DNAH12: variants seen among roughly 807,000 people sequenced by gnomAD.
The protein encoded by DNAH12 is axonemal beta dynein heavy chain 12.
DNAH12 carries 285 observed loss-of-function variants against 371.5 expected under a neutral mutation model. That is an observed-to-expected ratio of 0.77 (90% CI 0.70 to 0.85). The LOEUF is 0.85. Among genes scored for constraint, DNAH12 ranks in the 40% least tolerant of loss-of-function variants. The pLI, the probability that DNAH12 is intolerant of heterozygous loss-of-function variation, is 0.00. For synonymous variants in DNAH12, 1,200 were observed against 1,213.0 expected (o/e 0.99, Z 0.22); for missense variants, 3,611 against 3,689.4 (o/e 0.98, Z 0.55).
chr3:57,400,721 TA>T (rs2063839199), intron 43 of DNAH12, among the ~76,000 whole-genome samples: 1 of 152,156 alleles, frequency 6.6e-6, no homozygotes, highest in Non-Finnish European at 1.5e-5. Flanking sequence ...TGTGGGTAAC[TA>T]AAACTGCAAT....
rs782183779 is a variant in DNAH12 at position 57,413,770 on chromosome 3, C to G, written c.5996G>C (p.Arg1999Pro). Reference sequence around the variant, plus strand: ...CCAATGTCCACAGTCAAAAAACTGTCGTAATAATTCAATAGGTGGTTGAGC... The same window carrying G: ...CCAATGTCCACAGTCAAAAAACTGTGGTAATAATTCAATAGGTGGTTGAGC... ...YGAQPPIELL[R>P]QFFDCGHWYD... is the part of the protein sequence containing the mutation. The change falls in exon 39 of 74, where the codon CGA (arginine) becomes CCA (proline). Residue 1999 changes from arginine (R) to proline (P), a missense_variant. Physicochemically the swap from Arg to Pro is moderately radical, Grantham distance 103. Coordinates refer to ENST00000495027, the MANE Select transcript of DNAH12 (RefSeq NM_001366028.2). 2 of 1,550,744 alleles carry G rather than the reference C, an allele frequency of 1.3e-6. No individual in the cohort carries two copies. Among genetic ancestry groups the G allele is most frequent in the Non-Finnish European group, 1.7e-6 (2 of 1,146,588 alleles).
At chr3:57,461,114 G>A (rs1252928403) in intron 19 of DNAH12, among the ~76,000 whole-genome samples, 1 of 152,006 alleles carries the variant, frequency 6.6e-6, no homozygotes, top group East Asian at 1.9e-4. Context: ...CCTTATGCTA[G>A]CTGTTTACAA....
Position 57,323,014 on chromosome 3 carries a change from G to A in DNAH12, c.10376C>T (p.Ser3459Phe). 9 of 1,551,928 alleles carry A rather than the reference G, an allele frequency of 5.8e-6. No homozygotes were observed. The highest frequency in any genetic ancestry group is 7.8e-6 in the Non-Finnish European group (9 of 1,147,032). The change falls in exon 64 of 74, where the codon TCT (serine) becomes TTT (phenylalanine). Residue 3459 changes from serine to phenylalanine, a missense_variant. By Grantham distance (155) the Ser-to-Phe change is radical (BLOSUM62 -2). Coordinates refer to ENST00000495027, the MANE Select transcript of DNAH12 (RefSeq NM_001366028.2). ...ATAAGGAAATAAACATACTTTTGAA[G>A]ATGGATAGCTTGTCAGCCAAAGCCT... ...SFRLWLTSYP[S>F]SKFPVTILQN...
chr3:57,547,421 G>T (rs1195453039), upstream of DNAH12, among the ~76,000 whole-genome samples: 1 of 151,806 alleles, frequency 6.6e-6, no homozygotes, highest in Non-Finnish European at 1.5e-5. Context: ...GCCTCTAGAT[G>T]TGCTAGGATT....
At chr3:57,499,671 T>TACACAC (rs1225401945) in intron 11 of DNAH12, among the ~76,000 whole-genome samples, 4 of 30,422 alleles carry the variant, frequency 1.3e-4, no homozygotes, top group South Asian at 1.9e-3. Flanking sequence ...TATATATATA[T>TACACAC]ATATACTTCT....
intron 60 of DNAH12, 113 bp from the exon 61 acceptor site, chr3:57,335,053 C>T: frequency 9.2e-7 from 1 of 1,092,308 alleles, no homozygotes; most frequent in Non-Finnish European, 1.3e-6. Context: ...TACCCACCTG[C>T]TGTAAACAAC....
chr3:57,381,666 G>A (rs2063394289), intron 50 of DNAH12, among the ~76,000 whole-genome samples: 1 of 152,002 alleles, frequency 6.6e-6, no homozygotes, highest in Non-Finnish European at 1.5e-5. Flanking sequence ...GTGGGGTCCG[G>A]ATTTCTGAAT....
At position 57,391,853 on chromosome 3, in the gene DNAH12, A is replaced by G. The variant is rs1327324041; in HGVS notation, c.7305+19T>C. The G allele has an allele frequency of 1.3e-5, 2 of 152,640 alleles. No individual in the cohort carries two copies. Among genetic ancestry groups the G allele is most frequent in the African/African-American group, 4.8e-5 (2 of 41,462 alleles). 9.5% of individuals were successfully genotyped at this position (152,640 alleles called of 1,614,324 possible). ...AAAGAGTTAGTTGCCTCCCCCTCCA[A>G]CCAAGAAAAATTACAAACCTGAAAC... is the stretch of plus-strand genomic sequence containing the variant. On this transcript the variant is annotated intron_variant, in intron 45 of 73. Transcript: ENST00000495027.
chr3:57,468,877 C>T lies in DNAH12; in HGVS notation c.2208G>A (p.Thr736=), dbSNP rs1343189908. The T allele has an allele frequency of 5.9e-6, 9 of 1,525,802 alleles. No homozygotes were observed. Among genetic ancestry groups the T allele is most frequent in the South Asian group, 3.8e-5 (3 of 79,038 alleles). 94.5% of individuals were successfully genotyped at this position (1,525,802 alleles called of 1,614,324 possible). ...TTTCTTGTAATTCTTTCTTTAGCTT[C>T]GTTTGGAAAAATTTTAGTGTCTTAA... ...EIFKTLKFFQ[T]KLKKELQEKR... Residue 736 remains threonine (T), a synonymous_variant, in exon 17 of 74, where the codon ACG becomes ACA. Transcript: ENST00000495027.
chr3:57,418,268 T>C (rs764207348), intron 37 of DNAH12, among the ~76,000 whole-genome samples: 15 of 150,244 alleles, frequency 1.0e-4, no homozygotes, highest in South Asian at 8.4e-4. Context: ...AAGAACTGTA[T>C]TGCCAGGCAC....
rs774702268 is a variant in DNAH12, at chr3:57,419,448, ATTTG to A, written c.5629_5632del (p.Gln1877SerfsTer7). The stretch of plus-strand genomic sequence containing the variant: ...AGGGACTATGATATCTTGAATCTTG[ATTTG>A]TTTATCTCCTAAATTAGTATTTTTA... On this transcript the variant is annotated frameshift_variant, in exon 37 of 74. Transcript: ENST00000495027. LOFTEE classifies it high-confidence loss of function. 168 of 1,506,424 alleles carry A rather than the reference ATTTG, an allele frequency of 1.1e-4. No homozygotes were observed. Among genetic ancestry groups the A allele is most frequent in the South Asian group, 2.7e-4 (20 of 73,938 alleles). 93.3% of individuals were successfully genotyped at this position (1,506,424 alleles called of 1,614,324 possible).
intron 30 of DNAH12, among the ~76,000 whole-genome samples, chr3:57,434,975 A>G (rs1339495114): frequency 2.6e-5 from 4 of 152,190 alleles, no homozygotes; most frequent in African/African-American, 9.7e-5. Flanking sequence ...GCAACTGGTA[A>G]AAGATAAAAT....
At chr3:57,369,036 G>A (rs1375509791) in intron 55 of DNAH12, among the ~76,000 whole-genome samples, 4 of 151,436 alleles carry the variant, frequency 2.6e-5, no homozygotes, top group South Asian at 2.1e-4. Context: ...GTGAAAGCCC[G>A]TCTCTACTAA....
intron 34 of DNAH12, among the ~76,000 whole-genome samples, chr3:57,426,790 C>G (rs2064782908): frequency 6.8e-6 from 1 of 147,294 alleles, no homozygotes; most frequent in Admixed American, 6.9e-5. Flanking sequence ...TGGAGTGCCA[C>G]TGCACTCCAG....
chr3:57,417,094 T>C (rs992840516), intron 37 of DNAH12, among the ~76,000 whole-genome samples: 8 of 151,912 alleles, frequency 5.3e-5, no homozygotes, highest in African/African-American at 1.9e-4. Context: ...CTATTAAAAA[T>C]ACAAAATTAA....
intron 2 of DNAH12, among the ~76,000 whole-genome samples, chr3:57,533,236 G>T (rs188813041): frequency 5.3e-5 from 8 of 152,090 alleles, no homozygotes; most frequent in Admixed American, 1.3e-4. Flanking sequence ...AGGGCATTGG[G>T]CTCCCCTCTG....
intron 29 of DNAH12, 51 bp downstream of exon 29, chr3:57,444,646 C>A: frequency 6.5e-7 from 1 of 1,537,928 alleles, no homozygotes; most frequent in South Asian, 1.2e-5. Flanking sequence ...ACAATTGAGT[C>A]ATCGGATGAA....
intron 33 of DNAH12, 44 bp downstream of exon 33, chr3:57,429,643 AGAAT>A: frequency 6.8e-7 from 1 of 1,475,988 alleles, no homozygotes; most frequent in Non-Finnish European, 9.1e-7. Context: ...GCTAAATTAA[AGAAT>A]GAAGAAATGA....
Position 57,361,471 on chromosome 3 carries a change from T to TATATATA in DNAH12, c.9360+2122_9360+2123insTATATAT, listed in dbSNP as rs2062934544. Among the ~76,000 whole-genome samples, 12 of 141,826 alleles carry TATATATA rather than the reference T, an allele frequency of 8.5e-5. 1 individual carries two copies. Among genetic ancestry groups the TATATATA allele is most frequent in the African/African-American group, 3.4e-4 (12 of 35,386 alleles). 93.0% of individuals were successfully genotyped at this position (141,826 alleles called of 152,430 possible). A position where few individuals can be genotyped will look rare whatever the true frequency, so the allele number is the denominator to read the frequency against. On this transcript the variant is annotated intron_variant, in intron 58 of 73. Coordinates refer to ENST00000495027, the MANE Select transcript of DNAH12 (RefSeq NM_001366028.2). ...ATATATATATATATATATATATATA[T>TATATATA]CTCATTCAGCTCTGTTAGGTGAATT...
Sources: gnomAD v4.1 joint callset for allele counts (sites outside exome capture counted in the v4.1 genomes callset) on GRCh38, gnomAD v4.1.1 for gene constraint, MANE v1.5 for transcripts, NCBI Gene and HGNC (gene_info 2026-07-23, HGNC 2026-07-21) for gene names.